The following AGAP1 variants were observed in gnomAD, a reference collection of about 807,000 sequenced individuals.
The protein encoded by AGAP1 is ArfGAP with GTPase domain, ankyrin repeat and PH domain 1, also known as arf-GAP with GTPase, ANK repeat and PH domain-containing protein 1.
Under a neutral mutation model 105.3 loss-of-function variants are expected in AGAP1, and 29 were observed. The observed-to-expected ratio is 0.28, with a 90% confidence interval of 0.21 to 0.38. The LOEUF is 0.38. Ranked by LOEUF, AGAP1 falls within the 10% of genes least tolerant of loss-of-function variation. AGAP1 has a pLI of 1.00. For missense variants in AGAP1, 998 were observed against 1,165.1 expected (o/e 0.86, Z 2.09); for synonymous variants, 509 against 485.9 (o/e 1.05, Z -0.63).
chr2:236,112,057 C>T (rs1185768432), intron 16 of AGAP1, among the ~76,000 whole-genome samples: 1 of 152,160 alleles, frequency 6.6e-6, no homozygotes, highest in Admixed American at 6.5e-5. Flanking sequence ...CAAGACAGAG[C>T]CCGGTGCAGC....
intron 15 of AGAP1, among the ~76,000 whole-genome samples, chr2:236,041,699 T>G (rs2057553543): frequency 6.6e-6 from 1 of 152,158 alleles, no homozygotes; most frequent in Non-Finnish European, 1.5e-5. Flanking sequence ...AGGTAAGAGG[T>G]GCTGGTACCA....
intron 1 of AGAP1, among the ~76,000 whole-genome samples, chr2:235,666,461 A>G (rs902544817): frequency 1.3e-5 from 2 of 152,130 alleles, no homozygotes; most frequent in African/African-American, 4.8e-5. Context: ...CAGTGGGGAA[A>G]GGCAATTCTC....
chr2:236,112,187 G>A (rs1279565945), intron 16 of AGAP1, among the ~76,000 whole-genome samples: 1 of 152,044 alleles, frequency 6.6e-6, no homozygotes, highest in Non-Finnish European at 1.5e-5. Flanking sequence ...AGGCCGAGGA[G>A]GACAGATCAC....
chr2:236,124,168 C>G lies in AGAP1; in HGVS notation c.*46C>G, dbSNP rs766610661. The G allele has an allele frequency of 2.5e-6, 4 of 1,594,532 alleles. No homozygotes were observed. In the South Asian group the frequency reaches 3.3e-5, roughly 13 times the overall value. Reference sequence around the variant, plus strand: ...CTCGCCGCACCTGGGACGCGGCAGCCTCGCCGCATTCTCGCTCAGAAGTCG... The same window carrying G: ...CTCGCCGCACCTGGGACGCGGCAGCGTCGCCGCATTCTCGCTCAGAAGTCG... On this transcript the variant is annotated 3_prime_UTR_variant, in exon 18 of 18. Coordinates refer to ENST00000304032, the MANE Select transcript of AGAP1 (RefSeq NM_001037131.3). The surrounding 1 kb of genome is among the most constrained non-coding windows in gnomAD (Gnocchi z 5.1).
intron 1 of AGAP1, among the ~76,000 whole-genome samples, chr2:235,638,053 C>G (rs757053842): frequency 6.6e-6 from 1 of 152,208 alleles, no homozygotes; most frequent in Non-Finnish European, 1.5e-5. Flanking sequence ...CATAGACACA[C>G]CCACAAATAA....
chr2:235,606,852 G>A (rs946734407), intron 1 of AGAP1, among the ~76,000 whole-genome samples: 4 of 150,926 alleles, frequency 2.7e-5, no homozygotes, highest in Admixed American at 6.6e-5. Context: ...AGGAGGCTGA[G>A]GCAGGGGGAT....
At chr2:235,892,152 CA>C (rs76856873) in intron 10 of AGAP1, among the ~76,000 whole-genome samples, 356 of 136,170 alleles carry the variant, frequency 2.6e-3, no homozygotes, top group Middle Eastern at 3.9e-3. Flanking sequence ...ACTCCCATCT[CA>C]AAAAAAAAAA....
At chr2:235,859,793 T>G (rs951717313) in intron 9 of AGAP1, among the ~76,000 whole-genome samples, 1 of 152,234 alleles carries the variant, frequency 6.6e-6, no homozygotes, top group Non-Finnish European at 1.5e-5. Context: ...CAGCACTGTG[T>G]ACAGTTCAAA....
chr2:235,534,811 C>T (rs1411426010), intron 1 of AGAP1, among the ~76,000 whole-genome samples: 1 of 152,148 alleles, frequency 6.6e-6, no homozygotes, highest in Non-Finnish European at 1.5e-5. Context: ...CCCGTGCAGG[C>T]GTCAGCGCCT....
At position 235,964,525 on chromosome 2, in the gene AGAP1, G is replaced by T. The variant is rs952248663; in HGVS notation, c.1484-3937G>T. On this transcript the variant is annotated intron_variant, in intron 12 of 17. Coordinates refer to ENST00000304032, the MANE Select transcript of AGAP1 (RefSeq NM_001037131.3). The surrounding 1 kb of genome is among the most constrained non-coding windows in gnomAD (Gnocchi z 4.6). ...TTTAAAATGAGCAAAAAGATTGCCT[G>T]CCTGGTTTGAGCATTGAATAACACA... Among the ~76,000 whole-genome samples, 2 of 152,162 alleles carry T rather than the reference G, an allele frequency of 1.3e-5. No individual in the cohort carries two copies. The highest frequency in any genetic ancestry group is 2.9e-5 in the Non-Finnish European group (2 of 68,036).
intron 1 of AGAP1, among the ~76,000 whole-genome samples, chr2:235,667,829 C>T (rs926542617): frequency 3.3e-5 from 5 of 151,700 alleles, no homozygotes; most frequent in East Asian, 1.9e-4. Context: ...ACTGGTGGCG[C>T]GCACCTGTAA....
chr2:235,522,106 A>G (rs1293702332), intron 1 of AGAP1, among the ~76,000 whole-genome samples: 2 of 152,192 alleles, frequency 1.3e-5, no homozygotes, highest in Non-Finnish European at 2.9e-5. Context: ...GAAGCATAGA[A>G]CATTTCCTCA....
At chr2:235,749,414 A>G (rs1728286) in intron 5 of AGAP1, among the ~76,000 whole-genome samples, 66,251 of 151,316 alleles carry the variant, frequency 0.44, 17,202 homozygotes, top group Non-Finnish European at 0.56. Flanking sequence ...TTTTTAGGAA[A>G]CTGGTGCCGA....
rs1335024295 is a variant in AGAP1 at position 235,615,705 on chromosome 2, T to C, written c.164-93474T>C. The stretch of plus-strand genomic sequence containing the variant: ...GTCAAATTATTGTTTTTTCTCTTTA[T>C]GCTCATAGCCATTCCAAAGACAGAA... On this transcript the variant is annotated intron_variant, in intron 1 of 17. Coordinates refer to ENST00000304032, the MANE Select transcript of AGAP1 (RefSeq NM_001037131.3). This position sits in a 1 kb window ranked among gnomAD's most constrained non-coding sequence, Gnocchi z 5.0. 6.6e-6 allele frequency among the ~76,000 whole-genome samples: 1 copy of C among 152,212 alleles called. No homozygotes were observed. Among genetic ancestry groups the C allele is most frequent in the Non-Finnish European group, 1.5e-5 (1 of 68,044 alleles).
Position 235,882,267 on chromosome 2 carries a change from G to A in AGAP1, c.1051-1078G>A. The A allele has an allele frequency of 1.8e-6, 1 of 548,512 alleles. No individual in the cohort carries two copies. Among genetic ancestry groups the A allele is most frequent in the South Asian group, 2.0e-5 (1 of 51,106 alleles). 34.0% of individuals were successfully genotyped at this position (548,512 alleles called of 1,614,324 possible). On this transcript the variant is annotated intron_variant, in intron 9 of 17. Coordinates refer to ENST00000304032, the MANE Select transcript of AGAP1 (RefSeq NM_001037131.3). The surrounding 1 kb of genome is among the most constrained non-coding windows in gnomAD (Gnocchi z 4.6). ...GGTGCAGAGTGCCCAGGTTCACAAT[G>A]CAGCTTGTGGCTCGTGTCCATCTTG...
chr2:235,762,333 A>C (rs952408213), intron 6 of AGAP1, among the ~76,000 whole-genome samples: 1 of 152,040 alleles, frequency 6.6e-6, no homozygotes, highest in African/African-American at 2.4e-5. Flanking sequence ...TATTTTTTGC[A>C]TAGTCCTTGT....
Position 236,000,087 on chromosome 2 carries a change from A to G in AGAP1, c.1645+31464A>G, listed in dbSNP as rs1319807965. On this transcript the variant is annotated intron_variant, in intron 13 of 17. Coordinates refer to ENST00000304032, the MANE Select transcript of AGAP1 (RefSeq NM_001037131.3). This position sits in a 1 kb window ranked among gnomAD's most constrained non-coding sequence, Gnocchi z 4.3. ...CTCGAAGGTTTGTTTGTTAGTAGCCATAACCGTGCAGCATCCATCGGGAGG... is the reference window on the plus strand; with the variant it reads ...CTCGAAGGTTTGTTTGTTAGTAGCCGTAACCGTGCAGCATCCATCGGGAGG... Among the ~76,000 whole-genome samples, 1 of 152,180 alleles carries G rather than the reference A, an allele frequency of 6.6e-6. No homozygotes were observed. The highest frequency in any genetic ancestry group is 1.5e-5 in the Non-Finnish European group (1 of 68,032).
rs867828388 is a variant in AGAP1 at position 235,723,061 on chromosome 2, A to G, written c.310+5417A>G. ...TTGGCCCCATCACTTGGTGGTGGTCATGGTTCTGCCAGTGATGCTTTTGCA... is the reference window on the plus strand; with the variant it reads ...TTGGCCCCATCACTTGGTGGTGGTCGTGGTTCTGCCAGTGATGCTTTTGCA... On this transcript the variant is annotated intron_variant, in intron 3 of 17. Transcript: ENST00000304032. The surrounding 1 kb of genome is among the most constrained non-coding windows in gnomAD (Gnocchi z 6.2). Among the ~76,000 whole-genome samples, 1 of 152,210 alleles carries G rather than the reference A, an allele frequency of 6.6e-6. No individual in the cohort carries two copies. The highest frequency in any genetic ancestry group is 1.5e-5 in the Non-Finnish European group (1 of 68,050).
chr2:235,654,776 A>C (rs1947719838), intron 1 of AGAP1, among the ~76,000 whole-genome samples: 2 of 152,226 alleles, frequency 1.3e-5, no homozygotes, highest in Non-Finnish European at 2.9e-5. Context: ...TTTCATCAGA[A>C]AGGTCTCCAT....
Sources: allele counts gnomAD v4.1 joint callset (sites outside exome capture counted in the v4.1 genomes callset), GRCh38; gene constraint gnomAD v4.1.1; non-coding constraint Gnocchi (gnomAD v3.1); transcripts MANE v1.5; gene names NCBI Gene and HGNC (gene_info 2026-07-23, HGNC 2026-07-21).